GPHN: variants seen among roughly 807,000 people sequenced by gnomAD.
GPHN encodes the protein gephyrin.
In GPHN, 17 loss-of-function variants were observed where a neutral mutation model predicts 95.5. That is an observed-to-expected ratio of 0.18 (90% CI 0.12 to 0.27). The LOEUF (loss-of-function observed/expected upper bound fraction) is 0.27. Among genes scored for constraint, GPHN ranks in the 10% least tolerant of loss-of-function variants. GPHN has a pLI of 1.00. For synonymous variants in GPHN, 320 were observed against 322.5 expected (o/e 0.99, Z 0.08); for missense variants, 660 against 978.1 (o/e 0.67, Z 4.34).
chr14:66,522,683 T>G (rs2058529249), intron 1 of GPHN, among the ~76,000 whole-genome samples: 1 of 152,142 alleles, frequency 6.6e-6, no homozygotes, highest in Non-Finnish European at 1.5e-5. Context: ...TTTTTTGCTG[T>G]AAAAATAATG....
Position 67,104,006 on chromosome 14 carries a change from T to C in GPHN, c.1293+3095T>C, listed in dbSNP as rs141050517. ...ATTCAGTATGATGTTGGCTGTGGGT[T>C]TGTCATCTAGGGCCTTCACTGTGTA... is the stretch of plus-strand genomic sequence containing the variant. On this transcript the variant is annotated intron_variant, in intron 13 of 22. Coordinates refer to ENST00000478722, the MANE Select transcript of GPHN (RefSeq NM_020806.5). Among the ~76,000 whole-genome samples, 520 of 152,296 alleles carry C rather than the reference T, an allele frequency of 3.4e-3. 2 individuals are homozygous for C. Among genetic ancestry groups the C allele is most frequent in the African/African-American group, 0.012 (498 of 41,558 alleles).
At chr14:67,666,676 G>A in the GPHN span, among the ~76,000 whole-genome samples, 1 of 152,148 alleles carries the variant, frequency 6.6e-6, no homozygotes, top group African/African-American at 2.4e-5. Context: ...GTACCTCAGC[G>A]ATCATCTAGT....
the GPHN span, among the ~76,000 whole-genome samples, chr14:67,632,542 C>T: frequency 6.6e-6 from 1 of 152,014 alleles, no homozygotes; most frequent in Non-Finnish European, 1.5e-5. Flanking sequence ...GAGCAAGGTG[C>T]CCACCATTTG....
chr14:67,035,195 T>C (rs970677384), intron 10 of GPHN, among the ~76,000 whole-genome samples: 5 of 151,732 alleles, frequency 3.3e-5, no homozygotes, highest in African/African-American at 1.2e-4. Context: ...ATTAGAAATA[T>C]CTTGAGGCAA....
At chr14:67,245,225 T>C in the GPHN span, among the ~76,000 whole-genome samples, 5 of 152,358 alleles carry the variant, frequency 3.3e-5, no homozygotes, top group South Asian at 1.0e-3. Context: ...ACTAATACAT[T>C]GTCAGGCTGG....
chr14:66,945,202 A>G (rs573575666), intron 8 of GPHN, among the ~76,000 whole-genome samples: 1 of 152,300 alleles, frequency 6.6e-6, no homozygotes, highest in East Asian at 1.9e-4. Context: ...GAAACAGGAA[A>G]CCTCAGCAAA....
chr14:66,941,637 G>A (rs1396859762), intron 8 of GPHN, among the ~76,000 whole-genome samples: 1 of 151,590 alleles, frequency 6.6e-6, no homozygotes, highest in African/African-American at 2.4e-5. Context: ...TGCAAGTCAA[G>A]CTTGACTCCT....
intron 1 of GPHN, among the ~76,000 whole-genome samples, chr14:66,630,535 G>A (rs1007555300): frequency 1.3e-5 from 2 of 151,156 alleles, no homozygotes; most frequent in East Asian, 2.0e-4. Flanking sequence ...GCAGTGGCGC[G>A]ATCTCAGCTC....
chr14:66,966,337 A>G (rs941632884), intron 9 of GPHN, among the ~76,000 whole-genome samples: 2 of 152,084 alleles, frequency 1.3e-5, no homozygotes, highest in Non-Finnish European at 2.9e-5. Flanking sequence ...ACTTGTTACA[A>G]TCTTCTCAGC....
At chr14:66,631,048 T>C (rs1039509113) in intron 1 of GPHN, among the ~76,000 whole-genome samples, 2 of 151,924 alleles carry the variant, frequency 1.3e-5, no homozygotes, top group African/African-American at 4.8e-5. Context: ...TTTTTTGTTT[T>C]TGTTTTTGTT....
At chr14:67,478,164 C>G in the GPHN span, among the ~76,000 whole-genome samples, 20 of 152,242 alleles carry the variant, frequency 1.3e-4, no homozygotes, top group Non-Finnish European at 2.1e-4. Context: ...CCACCTGTCT[C>G]TCATCCTCCT....
intron 2 of GPHN, among the ~76,000 whole-genome samples, chr14:66,685,580 C>T (rs1305099449): frequency 1.3e-5 from 2 of 152,028 alleles, no homozygotes; most frequent in African/African-American, 4.8e-5. Flanking sequence ...TATCCTTCAC[C>T]CACTTTTTGA....
the GPHN span, chr14:67,615,555 G>A: frequency 6.3e-5 from 31 of 488,662 alleles, 1 homozygote; most frequent in South Asian, 3.7e-4. Context: ...AAACTTGTCC[G>A]GAGGAGCGTA....
chr14:67,112,983 A>G (rs1284250752), intron 15 of GPHN, 35 bp from the exon 16 acceptor site: 1 of 1,604,988 alleles, frequency 6.2e-7, no homozygotes. Context: ...GTTGTTCTCT[A>G]ATCACACTGC....
At chr14:66,709,717 A>C (rs2069435253) in intron 2 of GPHN, among the ~76,000 whole-genome samples, 1 of 152,224 alleles carries the variant, frequency 6.6e-6, no homozygotes, top group Non-Finnish European at 1.5e-5. Context: ...CCTCATACTT[A>C]GTAAGTGATG....
the GPHN span, chr14:67,584,172 A>G: frequency 1.3e-3 from 2,124 of 1,590,032 alleles, 3 homozygotes; most frequent in Non-Finnish European, 1.7e-3. Context: ...TGTGTCCCCA[A>G]CTGCTCATGT....
At chr14:67,359,740 C>T in the GPHN span, 2 of 1,612,500 alleles carry the variant, frequency 1.2e-6, no homozygotes, top group Admixed American at 3.3e-5. Context: ...GCCGGGCAAC[C>T]GAGGCTGCAA....
chr14:66,602,250 C>T (rs2062286234), intron 1 of GPHN, among the ~76,000 whole-genome samples: 2 of 151,922 alleles, frequency 1.3e-5, no homozygotes, highest in African/African-American at 4.8e-5. Flanking sequence ...TTCAGTGCAA[C>T]ACTGTGAGAG....
the GPHN span, among the ~76,000 whole-genome samples, chr14:67,196,469 G>A: frequency 4.6e-5 from 7 of 152,240 alleles, no homozygotes; most frequent in East Asian, 5.8e-4. Flanking sequence ...TGATCTGCCC[G>A]CCTTGGCCTC....
Sources: allele counts gnomAD v4.1 joint callset (sites outside exome capture counted in the v4.1 genomes callset), GRCh38; gene constraint gnomAD v4.1.1; transcripts MANE v1.5; gene names NCBI Gene and HGNC (gene_info 2026-07-23, HGNC 2026-07-21).